The following PON1 variants were observed in gnomAD, a reference collection of about 807,000 sequenced individuals.
PON1 encodes the protein serum paraoxonase/arylesterase 1.
In PON1, 37 loss-of-function variants were observed where a neutral mutation model predicts 39.2. The observed-to-expected ratio is 0.94, with a 90% CI of 0.73 to 1.24. PON1 has a LOEUF of 1.24. Among genes scored for constraint, PON1 ranks in the 50% most tolerant of loss-of-function variants. The pLI, the probability that PON1 is intolerant of heterozygous loss-of-function variation, is 0.00. For synonymous variants in PON1, 148 were observed against 152.2 expected (o/e 0.97, Z 0.21); for missense variants, 397 against 413.5 (o/e 0.96, Z 0.35).
intron 1 of PON1, among the ~76,000 whole-genome samples, chr7:95,320,007 G>A (rs1220978082): frequency 1.2e-4 from 18 of 152,276 alleles, no homozygotes. Context: ...CTCTGGTCTA[G>A]GGAAAGTGTA....
At chr7:95,316,848 C>T in intron 2 of PON1, 59 bp from the exon 3 acceptor site, 2 of 1,353,124 alleles carry the variant, frequency 1.5e-6, no homozygotes, top group Non-Finnish European at 2.1e-6. Context: ...GATGTGGATC[C>T]ATTTCTTTAT....
chr7:95,308,078 T>G lies in PON1; in HGVS notation c.631A>C (p.Ser211Arg). Residue 211 changes from serine to arginine, a missense_variant, in exon 6 of 9, where the codon AGT becomes CGT. By Grantham distance (110) the Ser-to-Arg change is moderately radical. Transcript: ENST00000222381. ...AWSYVVYYSP[S>R]EVRVVAEGFD... ...CCTTCTGCCACCACTCGAACTTCAC[T>G]TGGACTATAGTAGACAACATACGAC... 1.2e-6 allele frequency: 2 copies of G among 1,614,138 alleles called. No individual in the cohort carries two copies. The highest frequency in any genetic ancestry group is 1.7e-6 in the Non-Finnish European group (2 of 1,180,018).
chr7:95,316,466 TTGA>T (rs1807770485), intron 3 of PON1, among the ~76,000 whole-genome samples: 1 of 152,200 alleles, frequency 6.6e-6, no homozygotes, highest in Non-Finnish European at 1.5e-5. Flanking sequence ...AAAACAATTC[TTGA>T]ATACACTGAA....
intron 1 of PON1, chr7:95,318,660 G>A: frequency 2.6e-6 from 1 of 385,052 alleles, no homozygotes; most frequent in East Asian, 5.3e-5. Flanking sequence ...ACTTTGGCAG[G>A]AACAGGAGCA....
At position 95,298,786 on chromosome 7, in the gene PON1, C is replaced by T; in HGVS notation, c.*158G>A. 1 of 873,998 alleles carries T rather than the reference C, an allele frequency of 1.1e-6. No individual in the cohort carries two copies. 54.1% of individuals were successfully genotyped at this position (873,998 alleles called of 1,614,324 possible). On this transcript the variant is annotated 3_prime_UTR_variant, in exon 9 of 9. Transcript: ENST00000222381. ...TGTATTCTCAAAAAAAAGCCCTACA[C>T]ATCATATCACTCCCAGTTAAACAGT... is the stretch of plus-strand genomic sequence containing the variant.
intron 5 of PON1, among the ~76,000 whole-genome samples, chr7:95,310,377 G>T (rs1269994643): frequency 6.6e-6 from 1 of 152,058 alleles, no homozygotes; most frequent in African/African-American, 2.4e-5. Flanking sequence ...TTAAATCTTG[G>T]TGTTCCTCAC....
intron 7 of PON1, 69 bp from the exon 8 acceptor site, chr7:95,302,402 A>G (rs1585691791): frequency 6.9e-7 from 1 of 1,443,282 alleles, no homozygotes; most frequent in Non-Finnish European, 9.6e-7. Context: ...AGCAAAATAT[A>G]TCAGAGAAAA....
chr7:95,314,028 A>G (rs1032879004), intron 4 of PON1, among the ~76,000 whole-genome samples: 3 of 152,136 alleles, frequency 2.0e-5, no homozygotes, highest in African/African-American at 7.2e-5. Flanking sequence ...AGGGAAGAGC[A>G]AGTTTTGTGA....
At chr7:95,302,368 TA>T in intron 7 of PON1, 35 bp from the exon 8 acceptor site, 3 of 1,584,018 alleles carry the variant, frequency 1.9e-6, no homozygotes, top group Non-Finnish European at 2.6e-6. Flanking sequence ...GAACAAGACA[TA>T]AAGTAAAACA....
chr7:95,299,020 C>G lies in PON1; in HGVS notation c.992G>C (p.Ser331Thr), dbSNP rs1807356015. The change falls in exon 9 of 9, where the codon AGT (serine) becomes ACT (threonine). Residue 331 changes from serine (S) to threonine (T), a missense_variant. Ser to Thr is a moderately conservative substitution (Grantham distance 58). Transcript: ENST00000222381. ...CCCTTTGTACACAGAGGCAACTGTA[C>G]TGCCTTGCAACACTGTGCCATTTTC... is the stretch of plus-strand genomic sequence containing the variant. ...YAENGTVLQGSTVASVYKGKL... is the reference protein window; with the variant it reads ...YAENGTVLQGTTVASVYKGKL... 1 of 1,614,074 alleles carries G rather than the reference C, an allele frequency of 6.2e-7. No homozygotes were observed.
At chr7:95,311,405 ATCC>A in intron 5 of PON1, 43 bp downstream of exon 5, 1 of 1,609,924 alleles carries the variant, frequency 6.2e-7, no homozygotes, top group Non-Finnish European at 8.5e-7. Flanking sequence ...TGGATTAACT[ATCC>A]GCTACAGCTA....
In PON1 at chr7:95,302,086, T is replaced by G. The variant is rs1310675632; in HGVS notation, c.909+119A>C. The G allele has an allele frequency of 4.8e-5, 44 of 910,260 alleles. 1 individual carries two copies. The highest frequency in any genetic ancestry group is 3.6e-4 in the Middle Eastern group (1 of 2,746). 56.4% of individuals were successfully genotyped at this position (910,260 alleles called of 1,614,324 possible). The stretch of plus-strand genomic sequence containing the variant: ...CACTCCAGCCTGGGCGACAGAGCGA[T>G]ACTCTGTCACAAAAAAAAAAAAAAA... On this transcript the variant is annotated intron_variant, in intron 8 of 8. Coordinates refer to ENST00000222381, the MANE Select transcript of PON1 (RefSeq NM_000446.7).
chr7:95,304,562 G>A (rs1239420965), intron 7 of PON1, among the ~76,000 whole-genome samples: 1 of 152,050 alleles, frequency 6.6e-6, no homozygotes, highest in Admixed American at 6.5e-5. Context: ...TTGAACTCTT[G>A]ACCTCGTGAT....
intron 5 of PON1, among the ~76,000 whole-genome samples, chr7:95,309,479 T>G (rs139280722): frequency 9.8e-5 from 15 of 152,306 alleles, no homozygotes; most frequent in Non-Finnish European, 1.5e-4. Flanking sequence ...TGGAATGGTT[T>G]AGAGCAATAG....
Position 95,316,799 on chromosome 7 carries a change from A to G in PON1, c.146-10T>C, listed in dbSNP as rs1807778883. On this transcript the variant is annotated splice_polypyrimidine_tract_variant and intron_variant, in intron 2 of 8. Transcript: ENST00000222381. ...TCTTCAGAGCCAGTTTCTGCCAGAAAAGAGAACAGAAAGTACAGGTTGTTT... is the reference window on the plus strand; with the variant it reads ...TCTTCAGAGCCAGTTTCTGCCAGAAGAGAGAACAGAAAGTACAGGTTGTTT... The G allele has an allele frequency of 3.7e-6, 6 of 1,609,180 alleles. No homozygotes were observed. The South Asian group carries it at 6.6e-5, about 18-fold the overall frequency.
chr7:95,322,873 T>C (rs1159836613), intron 1 of PON1, among the ~76,000 whole-genome samples: 1 of 152,190 alleles, frequency 6.6e-6, no homozygotes, highest in Non-Finnish European at 1.5e-5. Context: ...AGGCATCCCT[T>C]GTGTGCTTCC....
At chr7:95,307,913 C>T in intron 6 of PON1, 98 bp downstream of exon 6, 1 of 1,160,352 alleles carries the variant, frequency 8.6e-7, no homozygotes, top group South Asian at 1.3e-5. Context: ...ACTAGGGTAA[C>T]ATGTTAAAAT....
intron 8 of PON1, among the ~76,000 whole-genome samples, chr7:95,300,542 T>C (rs926732697): frequency 6.6e-6 from 1 of 152,074 alleles, no homozygotes; most frequent in African/African-American, 2.4e-5. Flanking sequence ...TAACATGTAG[T>C]AGTTACAGGG....
chr7:95,297,983 A>G lies in PON1; in HGVS notation c.*961T>C, dbSNP rs1807311138. 1 of 152,162 alleles carries G rather than the reference A, an allele frequency of 6.6e-6. No individual in the cohort carries two copies. The highest frequency in any genetic ancestry group is 1.5e-5 in the Non-Finnish European group (1 of 68,034). The allele number at this position is 152,162 out of a possible 1,614,324, so 9.4% of individuals were successfully genotyped here. ...TTTCTTCCTAGTCATGTCTCAGTAG[A>G]TAGCCAAAGGGGTTGTTGATCTTTT... is the stretch of plus-strand genomic sequence containing the variant. On this transcript the variant is annotated 3_prime_UTR_variant, in exon 9 of 9. Coordinates refer to ENST00000222381, the MANE Select transcript of PON1 (RefSeq NM_000446.7).
Sources: gnomAD v4.1 joint callset for allele counts (sites outside exome capture counted in the v4.1 genomes callset) on GRCh38, gnomAD v4.1.1 for gene constraint, MANE v1.5 for transcripts, NCBI Gene and HGNC (gene_info 2026-07-23, HGNC 2026-07-21) for gene names.